The following SLC35F1 variants were observed in gnomAD, a reference collection of about 807,000 sequenced individuals.
The protein encoded by SLC35F1 is chromosome 6 open reading frame 169.
Under a neutral mutation model 48.7 loss-of-function variants are expected in SLC35F1, and 14 were observed. That is an observed-to-expected ratio of 0.29 (90% CI 0.19 to 0.45). The LOEUF is 0.45. Among genes scored for constraint, SLC35F1 ranks in the 20% least tolerant of loss-of-function variants. The pLI, the probability that SLC35F1 is intolerant of heterozygous loss-of-function variation, is 1.00. For synonymous variants in SLC35F1, 190 were observed against 202.2 expected (o/e 0.94, Z 0.51); for missense variants, 404 against 500.0 (o/e 0.81, Z 1.83).
At chr6:118,260,829 A>C (rs941716134) in intron 3 of SLC35F1, among the ~76,000 whole-genome samples, 1 of 152,036 alleles carries the variant, frequency 6.6e-6, no homozygotes, top group Non-Finnish European at 1.5e-5. Context: ...CATTTAACCT[A>C]TTTCTTCTAC....
intron 2 of SLC35F1, among the ~76,000 whole-genome samples, chr6:118,207,079 G>A (rs2114543435): frequency 6.6e-6 from 1 of 152,266 alleles, no homozygotes; most frequent in Admixed American, 6.5e-5. Context: ...GAAGCAAGAG[G>A]TAGCCTTGAG....
chr6:117,967,455 G>A (rs948176790), intron 1 of SLC35F1, among the ~76,000 whole-genome samples: 2 of 152,124 alleles, frequency 1.3e-5, no homozygotes, highest in African/African-American at 2.4e-5. Context: ...AAATTGGTAG[G>A]TTATTCCTAC....
intron 3 of SLC35F1, among the ~76,000 whole-genome samples, chr6:118,255,668 T>A (rs572101404): frequency 6.6e-6 from 1 of 152,372 alleles, no homozygotes; most frequent in South Asian, 2.1e-4. Context: ...AAAGTTCGGA[T>A]GACTGGCACA....
At chr6:118,227,387 A>C (rs891770384) in intron 2 of SLC35F1, among the ~76,000 whole-genome samples, 1 of 152,232 alleles carries the variant, frequency 6.6e-6, no homozygotes, top group African/African-American at 2.4e-5. Flanking sequence ...ATATGTACTT[A>C]GTTTAAATGG....
At chr6:117,962,986 C>T (rs1776517706) in intron 1 of SLC35F1, among the ~76,000 whole-genome samples, 1 of 152,110 alleles carries the variant, frequency 6.6e-6, no homozygotes, top group Admixed American at 6.5e-5. Context: ...CTTAAACTCT[C>T]AGAGCCCCGG....
At chr6:118,026,743 G>GA (rs764718603) in intron 1 of SLC35F1, among the ~76,000 whole-genome samples, 1 of 152,262 alleles carries the variant, frequency 6.6e-6, no homozygotes, top group East Asian at 1.9e-4. Context: ...AGTTTGGGAT[G>GA]AAAAAACTAA....
At chr6:118,162,635 A>G (rs1441437254) in intron 2 of SLC35F1, among the ~76,000 whole-genome samples, 1 of 152,228 alleles carries the variant, frequency 6.6e-6, no homozygotes, top group East Asian at 1.9e-4. Flanking sequence ...TAGAGTTTAC[A>G]ATATGCAGCT....
intron 1 of SLC35F1, among the ~76,000 whole-genome samples, chr6:118,061,588 G>GTATATA (rs1237884567): frequency 2.3e-4 from 34 of 144,728 alleles, no homozygotes; most frequent in African/African-American, 6.7e-4. Flanking sequence ...GTGTGTGTGT[G>GTATATA]TGTATATATA....
chr6:118,059,769 C>A (rs1772510841), intron 1 of SLC35F1, among the ~76,000 whole-genome samples: 1 of 152,184 alleles, frequency 6.6e-6, no homozygotes, highest in Admixed American at 6.5e-5. Context: ...AACAGAGAAT[C>A]TCAAAATTTT....
intron 1 of SLC35F1, among the ~76,000 whole-genome samples, chr6:117,909,733 T>C (rs1775739927): frequency 6.6e-6 from 1 of 152,222 alleles, no homozygotes; most frequent in Non-Finnish European, 1.5e-5. Flanking sequence ...AACTCATTTT[T>C]TTTCTAAGGT....
At chr6:117,908,025 G>C in intron 1 of SLC35F1, 126 bp downstream of exon 1, 1 of 945,964 alleles carries the variant, frequency 1.1e-6, no homozygotes, top group Non-Finnish European at 1.4e-6. Flanking sequence ...GGAGACTGAG[G>C]AGATCGGGCG....
At chr6:118,070,958 G>C (rs377697683) in intron 1 of SLC35F1, among the ~76,000 whole-genome samples, 2 of 2,388 alleles carry the variant, frequency 8.4e-4, no homozygotes, top group Non-Finnish European at 1.7e-3. Flanking sequence ...TATATATACT[G>C]TGTATATATA....
chr6:118,129,955 C>G (rs934023310), intron 1 of SLC35F1, among the ~76,000 whole-genome samples: 1 of 152,158 alleles, frequency 6.6e-6, no homozygotes, highest in Non-Finnish European at 1.5e-5. Flanking sequence ...TGCTAGGTTG[C>G]CTGTGGTCTC....
At chr6:118,312,288 AT>A (rs1344093512) in intron 7 of SLC35F1, among the ~76,000 whole-genome samples, 4 of 152,206 alleles carry the variant, frequency 2.6e-5, no homozygotes. Flanking sequence ...GAACAGACCT[AT>A]TTCATTCACC....
chr6:117,998,548 A>G (rs1247286696), intron 1 of SLC35F1, among the ~76,000 whole-genome samples: 1 of 152,216 alleles, frequency 6.6e-6, no homozygotes, highest in Non-Finnish European at 1.5e-5. Flanking sequence ...CAGCAAATGT[A>G]AAAGATCAGA....
Position 118,314,324 on chromosome 6 carries a change from T to G in SLC35F1, c.*72T>G. On this transcript the variant is annotated 3_prime_UTR_variant, in exon 8 of 8. Transcript: ENST00000360388. ...TTGCCCATCATCTCTGTATTGTACATAGAGAAAGGTATTTACTAGGTGCAG... is the reference window on the plus strand; with the variant it reads ...TTGCCCATCATCTCTGTATTGTACAGAGAGAAAGGTATTTACTAGGTGCAG... 7.5e-7 allele frequency: 1 copy of G among 1,336,350 alleles called. No homozygotes were observed. The highest frequency in any genetic ancestry group is 1.1e-6 in the Non-Finnish European group (1 of 942,208). The allele number at this position is 1,336,350 out of a possible 1,614,324, so 82.8% of individuals were successfully genotyped here.
At chr6:118,080,680 T>G (rs1444037627) in intron 1 of SLC35F1, among the ~76,000 whole-genome samples, 1 of 152,210 alleles carries the variant, frequency 6.6e-6, no homozygotes, top group Non-Finnish European at 1.5e-5. Flanking sequence ...GCAGGGGCTC[T>G]TCTCGTTTGA....
intron 1 of SLC35F1, among the ~76,000 whole-genome samples, chr6:117,966,377 G>T (rs901929827): frequency 6.6e-6 from 1 of 151,816 alleles, no homozygotes; most frequent in African/African-American, 2.4e-5. Context: ...GCCTTTAAGA[G>T]CTGTAACACT....
chr6:118,021,079 T>C (rs191383620), intron 1 of SLC35F1, among the ~76,000 whole-genome samples: 1 of 152,282 alleles, frequency 6.6e-6, no homozygotes, highest in East Asian at 1.9e-4. Flanking sequence ...ACTTAAATGT[T>C]TGAAAGGCAC....
Sources: gnomAD v4.1 joint callset for allele counts (sites outside exome capture counted in the v4.1 genomes callset) on GRCh38, gnomAD v4.1.1 for gene constraint, MANE v1.5 for transcripts, NCBI Gene and HGNC (gene_info 2026-07-23, HGNC 2026-07-21) for gene names.